The following DAB1 variants were observed in gnomAD, a reference collection of about 807,000 sequenced individuals.
DAB1 encodes the protein disabled homolog 1.
In DAB1, 15 loss-of-function variants were observed where a neutral mutation model predicts 64.6. That is an observed-to-expected ratio of 0.23 (90% CI 0.16 to 0.36). The LOEUF is 0.36. Ranked by LOEUF, DAB1 falls within the 10% of genes least tolerant of loss-of-function variation. DAB1 has a pLI of 1.00. For synonymous variants in DAB1, 235 were observed against 251.9 expected (o/e 0.93, Z 0.64); for missense variants, 596 against 706.7 (o/e 0.84, Z 1.78).
chr1:57,469,858 C>T (rs1395486984), intron 7 of DAB1, among the ~76,000 whole-genome samples: 1 of 152,084 alleles, frequency 6.6e-6, no homozygotes, highest in East Asian at 1.9e-4. Context: ...TGGAGATTCA[C>T]AATATATATT....
At chr1:58,107,862 C>A (rs1651754814) in intron 5 of DAB1, among the ~76,000 whole-genome samples, 1 of 152,092 alleles carries the variant, frequency 6.6e-6, no homozygotes, top group South Asian at 2.1e-4. Flanking sequence ...GATGATCCAC[C>A]CACCTTGGCC....
At chr1:57,682,772 T>C (rs1169723852) in intron 6 of DAB1, among the ~76,000 whole-genome samples, 1 of 152,114 alleles carries the variant, frequency 6.6e-6, no homozygotes, top group Non-Finnish European at 1.5e-5. Context: ...AGCGCAGCCA[T>C]AGGTGTCCAT....
intron 5 of DAB1, among the ~76,000 whole-genome samples, chr1:58,120,029 G>A (rs998057006): frequency 1.3e-5 from 2 of 152,082 alleles, no homozygotes; most frequent in Non-Finnish European, 2.9e-5. Flanking sequence ...TCTCCATCCT[G>A]ATTGCTGGTC....
intron 7 of DAB1, among the ~76,000 whole-genome samples, chr1:57,468,614 C>T (rs999905724): frequency 2.6e-5 from 4 of 151,928 alleles, no homozygotes; most frequent in African/African-American, 9.7e-5. Flanking sequence ...AGAAGGACAA[C>T]GTATGGGTGT....
At chr1:58,312,576 C>T (rs180712038) in intron 4 of DAB1, among the ~76,000 whole-genome samples, 2 of 152,218 alleles carry the variant, frequency 1.3e-5, no homozygotes, top group East Asian at 3.9e-4. Flanking sequence ...AGAACTCGGT[C>T]AGAAATGGGA....
At chr1:57,365,095 C>T (rs1057324118) in intron 1 of DAB1, among the ~76,000 whole-genome samples, 105 of 141,192 alleles carry the variant, frequency 7.4e-4, no homozygotes, top group African/African-American at 2.3e-3. Context: ...AGAATATATA[C>T]GTATGAATAT....
chr1:57,716,924 T>G (rs1433129052), intron 6 of DAB1, among the ~76,000 whole-genome samples: 1 of 152,022 alleles, frequency 6.6e-6, no homozygotes. Flanking sequence ...GGAAAAGACT[T>G]AAATAGACAT....
intron 5 of DAB1, among the ~76,000 whole-genome samples, chr1:57,977,152 C>G (rs72922538): frequency 0.038 from 5,777 of 152,220 alleles, 201 homozygotes; most frequent in East Asian, 0.12. Flanking sequence ...TTCCACTCTA[C>G]TATCCTATGC....
intron 4 of DAB1, among the ~76,000 whole-genome samples, chr1:58,327,619 G>A (rs747537581): frequency 2.0e-5 from 3 of 152,144 alleles, no homozygotes; most frequent in Non-Finnish European, 4.4e-5. Flanking sequence ...GAATAGTACT[G>A]CTTCACAGGG....
chr1:58,051,187 A>G (rs1160306319), intron 5 of DAB1, among the ~76,000 whole-genome samples: 1 of 151,826 alleles, frequency 6.6e-6, no homozygotes, highest in Non-Finnish European at 1.5e-5. Flanking sequence ...TCCTAATGCT[A>G]TTCCTCCCCC....
At chr1:57,454,621 T>C (rs1686512372) in intron 7 of DAB1, among the ~76,000 whole-genome samples, 1 of 152,102 alleles carries the variant, frequency 6.6e-6, no homozygotes, top group African/African-American at 2.4e-5. Context: ...AGTTTACCTA[T>C]TTAACAAACC....
In DAB1 at chr1:57,606,649, T is replaced by TA. The variant is rs1406385460; in HGVS notation, n.625+42942dup. Among the ~76,000 whole-genome samples, 349 of 94,766 alleles carry TA rather than the reference T, an allele frequency of 3.7e-3. 4 individuals are homozygous for TA. Among genetic ancestry groups the TA allele is most frequent in the African/African-American group, 0.017 (335 of 19,448 alleles). 62.2% of individuals were successfully genotyped at this position (94,766 alleles called of 152,430 possible). ...TGAAATATATTATATATGAAATATA[T>TA]ATTATGTATGAAATATATATGAAAT... is the stretch of plus-strand genomic sequence containing the variant. On this transcript the variant is annotated intron_variant and non_coding_transcript_variant, in intron 7 of 20. Coordinates refer to the DAB1 transcript ENST00000485760.
intron 1 of DAB1, among the ~76,000 whole-genome samples, chr1:57,410,405 A>G (rs989052401): frequency 1.3e-5 from 2 of 152,230 alleles, no homozygotes; most frequent in African/African-American, 2.4e-5. Flanking sequence ...AGGAACCTAG[A>G]TCAATAGATG....
intron 2 of DAB1, among the ~76,000 whole-genome samples, chr1:57,280,460 TACTG>T (rs1296459520): frequency 4.6e-5 from 7 of 152,216 alleles, no homozygotes; most frequent in African/African-American, 1.7e-4. Context: ...CTGAGTCATT[TACTG>T]ACTATCTGCA....
At chr1:58,301,704 G>A (rs1662174045) in intron 4 of DAB1, among the ~76,000 whole-genome samples, 1 of 152,094 alleles carries the variant, frequency 6.6e-6, no homozygotes, top group African/African-American at 2.4e-5. Context: ...GGAAACTGAG[G>A]CCCGGAGGGA....
intron 7 of DAB1, among the ~76,000 whole-genome samples, chr1:57,430,646 GGTACA>G (rs1685470292): frequency 6.6e-6 from 1 of 151,886 alleles, no homozygotes; most frequent in Non-Finnish European, 1.5e-5. Context: ...CAAAGTGCTG[GGTACA>G]GTTAATACAA....
intron 5 of DAB1, among the ~76,000 whole-genome samples, chr1:57,996,151 C>T (rs886924811): frequency 7.9e-5 from 12 of 152,130 alleles, no homozygotes; most frequent in Non-Finnish European, 1.6e-4. Flanking sequence ...CTCAGCTCCT[C>T]AGGAGGCTGA....
chr1:57,230,368 A>G (rs1667582114), intron 2 of DAB1, among the ~76,000 whole-genome samples: 1 of 151,764 alleles, frequency 6.6e-6, no homozygotes. Flanking sequence ...AATGAATTAA[A>G]TGACAAGCTA....
At chr1:57,500,447 T>C (rs1644277499) in intron 7 of DAB1, among the ~76,000 whole-genome samples, 1 of 152,226 alleles carries the variant, frequency 6.6e-6, no homozygotes, top group Admixed American at 6.5e-5. Flanking sequence ...TTCTTCTCAA[T>C]GAATGCAGTG....
Sources: allele counts gnomAD v4.1 joint callset (sites outside exome capture counted in the v4.1 genomes callset), GRCh38; gene constraint gnomAD v4.1.1; transcripts MANE v1.5; gene names NCBI Gene and HGNC (gene_info 2026-07-23, HGNC 2026-07-21).